The following THRB variants were observed in gnomAD, a reference collection of about 807,000 sequenced individuals.
THRB encodes the protein nuclear receptor subfamily 1 group A member 2.
In THRB, 12 loss-of-function variants were observed where a neutral mutation model predicts 47.8. The observed-to-expected ratio is 0.25, with a 90% confidence interval of 0.16 to 0.41. The LOEUF (loss-of-function observed/expected upper bound fraction) is 0.41, where lower values mean the gene tolerates loss of function less well. THRB is among the 10% of genes least tolerant of loss of function. The pLI, the probability that THRB is intolerant of heterozygous loss-of-function variation, is 1.00. For synonymous variants in THRB, 218 were observed against 212.2 expected (o/e 1.03, Z -0.24); for missense variants, 348 against 589.2 (o/e 0.59, Z 4.24).
At chr3:24,381,475 A>T (rs2065707424) in intron 1 of THRB, among the ~76,000 whole-genome samples, 1 of 152,112 alleles carries the variant, frequency 6.6e-6, no homozygotes, top group African/African-American at 2.4e-5. Context: ...CACCACATTG[A>T]CCCACCTAAG....
intron 1 of THRB, among the ~76,000 whole-genome samples, chr3:24,481,622 T>A (rs887465750): frequency 1.3e-5 from 2 of 152,082 alleles, no homozygotes; most frequent in Admixed American, 6.5e-5. Flanking sequence ...ACTAGACATG[T>A]AATACTACCT....
intron 1 of THRB, among the ~76,000 whole-genome samples, chr3:24,350,516 C>A (rs1165597001): frequency 2.6e-5 from 4 of 152,128 alleles, no homozygotes; most frequent in African/African-American, 9.7e-5. Flanking sequence ...ATGATAGAGT[C>A]TTCCAAACAT....
intron 4 of THRB, among the ~76,000 whole-genome samples, chr3:24,227,995 T>C (rs1452554866): frequency 2.6e-5 from 4 of 152,214 alleles, no homozygotes; most frequent in Non-Finnish European, 5.9e-5. Flanking sequence ...TTTGCTAACA[T>C]CTAAAATTTG....
chr3:24,167,951 T>C (rs1032609405), intron 5 of THRB, among the ~76,000 whole-genome samples: 1 of 152,146 alleles, frequency 6.6e-6, no homozygotes, highest in Non-Finnish European at 1.5e-5. Context: ...TTCTCTCTCT[T>C]TTTACTAAAC....
intron 2 of THRB, among the ~76,000 whole-genome samples, chr3:24,330,786 A>G (rs1006352827): frequency 1.3e-5 from 2 of 152,226 alleles, no homozygotes; most frequent in African/African-American, 4.8e-5. Flanking sequence ...AATAGAGCTC[A>G]CATGAGCTTT....
At chr3:24,205,394 C>G (rs1252514450) in intron 4 of THRB, among the ~76,000 whole-genome samples, 9 of 152,138 alleles carry the variant, frequency 5.9e-5, no homozygotes, top group Non-Finnish European at 8.8e-5. Flanking sequence ...CATATCCAGC[C>G]AAACTAAGCT....
chr3:24,349,787 A>G lies in THRB; in HGVS notation c.-260-12416T>C, dbSNP rs187751474. ...TATATTCATGATTTGGGGGTAAACA[A>G]AGTTTTCTTAAACAGGACACAAACA... On this transcript the variant is annotated intron_variant, in intron 1 of 10. Coordinates refer to ENST00000646209, the MANE Select transcript of THRB (RefSeq NM_001354712.2). Among the ~76,000 whole-genome samples, 108 of 152,234 alleles carry G rather than the reference A, an allele frequency of 7.1e-4. 1 individual carries two copies. Among genetic ancestry groups the G allele is most frequent in the Admixed American group, 4.0e-3 (61 of 15,282 alleles).
intron 1 of THRB, among the ~76,000 whole-genome samples, chr3:24,380,296 T>A (rs1045089067): frequency 6.6e-6 from 1 of 151,874 alleles, no homozygotes; most frequent in Admixed American, 6.6e-5. Context: ...GGCTTTATAC[T>A]GCATTCAGAA....
At chr3:24,472,257 T>TA (rs1694816998) in intron 1 of THRB, among the ~76,000 whole-genome samples, 1 of 152,120 alleles carries the variant, frequency 6.6e-6, no homozygotes, top group African/African-American at 2.4e-5. Context: ...CCAGGACAAA[T>TA]AAAAATGTTG....
chr3:24,210,411 T>G (rs1323395590), intron 4 of THRB, among the ~76,000 whole-genome samples: 1 of 140,072 alleles, frequency 7.1e-6, no homozygotes, highest in Non-Finnish European at 1.6e-5. Flanking sequence ...TATTTGTTTG[T>G]TTTTTTTTTT....
intron 8 of THRB, among the ~76,000 whole-genome samples, chr3:24,135,116 C>T (rs979613367): frequency 6.6e-6 from 1 of 152,208 alleles, no homozygotes; most frequent in African/African-American, 2.4e-5. Flanking sequence ...TCTGGGCCCA[C>T]TCTTTGAGAA....
At chr3:24,389,264 C>T (rs532691324) in intron 1 of THRB, among the ~76,000 whole-genome samples, 2 of 152,268 alleles carry the variant, frequency 1.3e-5, no homozygotes, top group Admixed American at 6.5e-5. Flanking sequence ...CCCTGGAGAA[C>T]TTAGCAATGC....
intron 1 of THRB, among the ~76,000 whole-genome samples, chr3:24,483,462 G>T (rs1347804120): frequency 6.6e-6 from 1 of 151,510 alleles, no homozygotes; most frequent in African/African-American, 2.4e-5. Context: ...TCTGGCCTTT[G>T]CTTTCTGACA....
intron 3 of THRB, among the ~76,000 whole-genome samples, chr3:24,281,089 C>T (rs982639761): frequency 3.3e-5 from 5 of 152,002 alleles, no homozygotes; most frequent in East Asian, 1.9e-4. Flanking sequence ...ACAGAGAACG[C>T]CACAAAGATA....
At chr3:24,208,618 A>G (rs2149818326) in intron 4 of THRB, among the ~76,000 whole-genome samples, 1 of 152,334 alleles carries the variant, frequency 6.6e-6, no homozygotes, top group Middle Eastern at 3.4e-3. Flanking sequence ...CTATTTAATA[A>G]ATGGTGCTGG....
intron 5 of THRB, among the ~76,000 whole-genome samples, chr3:24,166,497 AATC>A (rs1238081311): frequency 6.6e-6 from 1 of 152,220 alleles, no homozygotes; most frequent in African/African-American, 2.4e-5. Flanking sequence ...TTTCTGTAAG[AATC>A]ATCATATCTT....
intron 1 of THRB, among the ~76,000 whole-genome samples, chr3:24,385,321 T>G (rs1045893408): frequency 1.3e-5 from 2 of 151,976 alleles, no homozygotes; most frequent in African/African-American, 4.8e-5. Context: ...TAACAGAAAT[T>G]TCTTTCCAAC....
At chr3:24,198,428 T>C (rs1332155770) in intron 4 of THRB, among the ~76,000 whole-genome samples, 1 of 138,752 alleles carries the variant, frequency 7.2e-6, no homozygotes, top group African/African-American at 2.6e-5. Flanking sequence ...AGAAATACAG[T>C]AAGTGTTCAA....
intron 4 of THRB, among the ~76,000 whole-genome samples, chr3:24,211,154 C>G (rs111440442): frequency 2.0e-5 from 3 of 147,510 alleles, no homozygotes; most frequent in African/African-American, 7.6e-5. Flanking sequence ...AAGCTAAGAT[C>G]GCGCCACTGC....
Sources: gnomAD v4.1 joint callset for allele counts (sites outside exome capture counted in the v4.1 genomes callset) on GRCh38, gnomAD v4.1.1 for gene constraint, MANE v1.5 for transcripts, NCBI Gene and HGNC (gene_info 2026-07-23, HGNC 2026-07-21) for gene names.